The following ZC3H4 variants were observed in gnomAD, a reference collection of about 807,000 sequenced individuals.
ZC3H4 encodes zinc finger CCCH domain-containing protein 4.
Under a neutral mutation model 108.3 loss-of-function variants are expected in ZC3H4, and 13 were observed. The ratio of observed to expected loss-of-function variants is 0.12; its 90% CI spans 0.08 to 0.19. The LOEUF (loss-of-function observed/expected upper bound fraction) is 0.19, where lower values mean the gene tolerates loss of function less well. Ranked by LOEUF, ZC3H4 falls within the 10% of genes least tolerant of loss-of-function variation. The pLI is 1.00. For missense variants in ZC3H4, 1,734 were observed against 1,838.8 expected (o/e 0.94, Z 1.04); for synonymous variants, 917 against 749.6 (o/e 1.22, Z -3.65).
chr19:47,073,512 C>T (rs569655051), intron 11 of ZC3H4, among the ~76,000 whole-genome samples: 1 of 152,204 alleles, frequency 6.6e-6, no homozygotes, highest in Non-Finnish European at 1.5e-5. Context: ...GCGGAGGTTC[C>T]AGTGAGCCGA....
intron 11 of ZC3H4, among the ~76,000 whole-genome samples, chr19:47,077,276 C>T (rs902480041): frequency 6.6e-6 from 1 of 151,878 alleles, no homozygotes; most frequent in African/African-American, 2.4e-5. Context: ...CGAGACCAGC[C>T]TGGCTAACAT....
In ZC3H4 at chr19:47,072,564, G is replaced by C. The variant is rs767911343; in HGVS notation, c.1590C>G (p.Thr530=). ...CCTGCATGGGCCTGCCGTTGGGAGA[G>C]GTTGGAGCCTGCGGGCCAGGGGGCC... is the stretch of plus-strand genomic sequence containing the variant. ...PPRPPGPQAP[T]SPNGRPMQGG... is the part of the protein sequence containing the mutation. The change falls in exon 12 of 15, where the codon ACC becomes ACG. Residue 530 remains threonine (T), a synonymous_variant. Coordinates refer to ENST00000253048, the MANE Select transcript of ZC3H4 (RefSeq NM_015168.2). This position sits in a 1 kb window ranked among gnomAD's most constrained non-coding sequence, Gnocchi z 5.6. 2.8e-5 allele frequency: 43 copies of C among 1,560,220 alleles called. No homozygotes were observed. The highest frequency in any genetic ancestry group is 3.5e-5 in the Non-Finnish European group (41 of 1,155,608).
chr19:47,072,628 T>C lies in ZC3H4; in HGVS notation c.1526A>G (p.Lys509Arg). The change falls in exon 12 of 15, where the codon AAA becomes AGA. Residue 509 changes from lysine (K) to arginine (R), a missense_variant. This residue lies in a region of ZC3H4 where 66 missense variants were observed against 166.8 expected (regional missense o/e 0.40). Transcript: ENST00000253048. The surrounding 1 kb of genome is among the most constrained non-coding windows in gnomAD (Gnocchi z 5.6). The stretch of plus-strand genomic sequence containing the variant: ...CAGGAGGCCCACACCAGGGGGCGGT[T>C]TGGGCAGGGGGTTGATGCCCTGCTT... Reference protein sequence around the residue: ...LKKQGINPLPKPPPGVGLLPT... With the variant: ...LKKQGINPLPRPPPGVGLLPT... 1 of 1,612,186 alleles carries C rather than the reference T, an allele frequency of 6.2e-7. No homozygotes were observed. Among genetic ancestry groups the C allele is most frequent in the Non-Finnish European group, 8.5e-7 (1 of 1,179,650 alleles).
At chr19:47,093,744 G>A in intron 4 of ZC3H4, 1 of 444,030 alleles carries the variant, frequency 2.3e-6, no homozygotes, top group South Asian at 3.7e-5. Flanking sequence ...GGCATGCCTG[G>A]TTAATTTTTT....
intron 8 of ZC3H4, 32 bp downstream of exon 8, chr19:47,085,024 C>T (rs368646363): frequency 9.9e-5 from 160 of 1,611,654 alleles, no homozygotes; most frequent in Admixed American, 2.3e-4. Context: ...GGACCTTGGC[C>T]CAAACATCAG....
rs184345416 is a variant in ZC3H4 at position 47,102,084 on chromosome 19, T to C, written c.162-7476A>G. On this transcript the variant is annotated intron_variant, in intron 2 of 14. Transcript: ENST00000253048. ...ACTTCCAAGTGGGACAACTCAGCAA[T>C]GTGAGGAGAGGCTGCAAGGTCCCCA... Among the ~76,000 whole-genome samples the C allele has an allele frequency of 2.0e-3, 301 of 152,216 alleles. 1 individual carries two copies. Among genetic ancestry groups the C allele is most frequent in the Admixed American group, 7.3e-3 (112 of 15,288 alleles).
chr19:47,104,908 G>C (rs931376559), intron 2 of ZC3H4, among the ~76,000 whole-genome samples: 25 of 151,830 alleles, frequency 1.6e-4, no homozygotes, highest in African/African-American at 5.3e-4. Context: ...GGCCATAGCA[G>C]GGATGTAATG....
chr19:47,066,545 G>A lies in ZC3H4; in HGVS notation c.3723C>T (p.Ala1241=), dbSNP rs759281514. The part of the protein sequence containing the change: ...ATTATPPPEG[A]PPQPGVHNLP... Reference sequence around the variant, plus strand: ...GGTTGTGCACCCCGGGCTGGGGTGGGGCACCCTCGGGGGGTGGGGTGGCGG... The same window carrying A: ...GGTTGTGCACCCCGGGCTGGGGTGGAGCACCCTCGGGGGGTGGGGTGGCGG... The change falls in exon 15 of 15, where the codon GCC becomes GCT. Residue 1241 remains alanine, a synonymous_variant. Coordinates refer to ENST00000253048, the MANE Select transcript of ZC3H4 (RefSeq NM_015168.2). 7 of 1,570,612 alleles carry A rather than the reference G, an allele frequency of 4.5e-6. No homozygotes were observed. The highest frequency in any genetic ancestry group is 2.3e-5 in the East Asian group (1 of 44,104).
At chr19:47,079,099 A>ATG (rs2057474543) in intron 11 of ZC3H4, among the ~76,000 whole-genome samples, 1 of 146,272 alleles carries the variant, frequency 6.8e-6, no homozygotes, top group Non-Finnish European at 1.5e-5. Context: ...GCACGATCTC[A>ATG]GCTCACCGCA....
At chr19:47,096,885 G>A (rs1265427508) in intron 2 of ZC3H4, 4 of 985,282 alleles carry the variant, frequency 4.1e-6, no homozygotes, top group Non-Finnish European at 4.8e-6. Flanking sequence ...GCCGGAGTGG[G>A]TGGCAGCCTC....
At chr19:47,096,360 C>T (rs1418653056) in intron 2 of ZC3H4, among the ~76,000 whole-genome samples, 1 of 152,244 alleles carries the variant, frequency 6.6e-6, no homozygotes, top group Non-Finnish European at 1.5e-5. Flanking sequence ...GGCTGCAGTC[C>T]TGACAAGGGA....
chr19:47,113,714 A>G lies in ZC3H4; in HGVS notation c.-6+6T>C, dbSNP rs2058067993. 6.6e-6 allele frequency: 1 copy of G among 152,196 alleles called. No individual in the cohort carries two copies. The highest frequency in any genetic ancestry group is 1.5e-5 in the Non-Finnish European group (1 of 68,036). 9.4% of individuals were successfully genotyped at this position (152,196 alleles called of 1,614,324 possible). A position where few individuals can be genotyped will look rare whatever the true frequency, so the allele number is the denominator to read the frequency against. ...TCAGGCTACGGAGAGGGAAAAAAAA[A>G]ATAACCGAAAGCTGGAGGCCAGGTG... On this transcript the variant is annotated splice_donor_region_variant and intron_variant, in intron 1 of 14. Transcript: ENST00000253048.
Position 47,093,486 on chromosome 19 carries a change from A to G in ZC3H4, c.492+484T>C, listed in dbSNP as rs1037276391. The stretch of plus-strand genomic sequence containing the variant: ...TCTCTGAGACATACAGGGCCTTGCT[A>G]AGGCCGCATGGAGGAGGCTCGAGAA... On this transcript the variant is annotated intron_variant, in intron 4 of 14. Coordinates refer to ENST00000253048, the MANE Select transcript of ZC3H4 (RefSeq NM_015168.2). 4.6e-5 allele frequency among the ~76,000 whole-genome samples: 7 copies of G among 152,280 alleles called. No individual in the cohort carries two copies. In the East Asian group the frequency reaches 1.4e-3, roughly 29 times the overall value.
rs770038902 is a variant in ZC3H4 at position 47,090,094 on chromosome 19, G to A, written c.588C>T (p.Tyr196=). 15 of 1,614,008 alleles carry A rather than the reference G, an allele frequency of 9.3e-6. No individual in the cohort carries two copies. The highest frequency in any genetic ancestry group is 3.3e-5 in the South Asian group (3 of 91,090). ...DSKSYGMYED[Y]ENEQYGEYEG... ...CATATTCCCCATACTGCTCATTCTCGTAGTCCTCGTACATGCCATAACTCT... is the reference window on the plus strand; with the variant it reads ...CATATTCCCCATACTGCTCATTCTCATAGTCCTCGTACATGCCATAACTCT... The change falls in exon 5 of 15, where the codon TAC becomes TAT. Residue 196 remains tyrosine (Y), a synonymous_variant. Transcript: ENST00000253048.
At chr19:47,074,008 C>T (rs10415740) in intron 11 of ZC3H4, among the ~76,000 whole-genome samples, 49 of 151,870 alleles carry the variant, frequency 3.2e-4, no homozygotes, top group Admixed American at 2.3e-3. Context: ...TATCTGGGGA[C>T]GACTGGGTAG....
Position 47,067,519 on chromosome 19 carries a change from C to T in ZC3H4, c.2749G>A (p.Gly917Arg), listed in dbSNP as rs773776889. The change falls in exon 15 of 15, where the codon GGG becomes AGG. Residue 917 changes from glycine (G) to arginine (R), a missense_variant. Around this residue, in one of 9 missense-constraint regions of ZC3H4, gnomAD observed 540 missense variants for 484.1 expected, o/e 1.12. Transcript: ENST00000253048. The surrounding 1 kb of genome is among the most constrained non-coding windows in gnomAD (Gnocchi z 6.4). ...SSPVGPSSSKGSGPPPTEEEE... is the reference protein window; with the variant it reads ...SSPVGPSSSKRSGPPPTEEEE... ...TCCTCCGTTGGGGGCGGCCCAGACC[C>T]CTTGGAACTGCTGGGGCCCACAGGG... 2 of 1,595,116 alleles carry T rather than the reference C, an allele frequency of 1.3e-6. No individual in the cohort carries two copies.
intron 8 of ZC3H4, 56 bp from the exon 9 acceptor site, chr19:47,084,511 G>A (rs2057581513): frequency 6.3e-7 from 1 of 1,575,636 alleles, no homozygotes; most frequent in Non-Finnish European, 8.7e-7. Flanking sequence ...GTAGAGATGG[G>A]ATCGGGGTTA....
intron 8 of ZC3H4, 27 bp downstream of exon 8, chr19:47,085,029 C>T (rs755779317): frequency 3.9e-5 from 63 of 1,613,140 alleles, no homozygotes; most frequent in Non-Finnish European, 5.3e-5. Flanking sequence ...TTGGCCCAAA[C>T]ATCAGATCAG....
chr19:47,074,206 G>A (rs1011083255), intron 11 of ZC3H4, among the ~76,000 whole-genome samples: 6 of 152,174 alleles, frequency 3.9e-5, no homozygotes, highest in African/African-American at 1.2e-4. Context: ...CTCATTAGAT[G>A]TCAATTCATA....
Sources: gnomAD v4.1 joint callset for allele counts (sites outside exome capture counted in the v4.1 genomes callset) on GRCh38, gnomAD v4.1.1 for gene constraint, gnomAD v4.1.1 regional missense constraint, Gnocchi (gnomAD v3.1) non-coding constraint, MANE v1.5 for transcripts, NCBI Gene and HGNC (gene_info 2026-07-23, HGNC 2026-07-21) for gene names.